The following AGBL4 variants were observed in gnomAD, a reference collection of about 807,000 sequenced individuals.
AGBL4 encodes the protein cytosolic carboxypeptidase 6.
In AGBL4, 58 loss-of-function variants were observed where a neutral mutation model predicts 66.4. The ratio of observed to expected loss-of-function variants is 0.87; its 90% CI spans 0.71 to 1.09. The LOEUF (loss-of-function observed/expected upper bound fraction) is 1.09, where lower values mean the gene tolerates loss of function less well. Among genes scored for constraint, AGBL4 ranks in the 50% least tolerant of loss-of-function variants. The probability of loss-of-function intolerance (pLI) is 0.00; values close to 1 mark genes in which losing one functional copy is unlikely to be tolerated. For synonymous variants in AGBL4, 234 were observed against 222.9 expected, an observed-to-expected ratio of 1.05 and a Z score of -0.44; for missense variants, 579 against 631.0, an observed-to-expected ratio of 0.92 and a Z score of 0.88.
At chr1:49,558,296 A>C (rs1384439212) in intron 3 of AGBL4, among the ~76,000 whole-genome samples, 1 of 152,114 alleles carries the variant, frequency 6.6e-6, no homozygotes, top group African/African-American at 2.4e-5. Flanking sequence ...GAATGGCCAC[A>C]GTGTGTCAGA....
intron 1 of AGBL4, among the ~76,000 whole-genome samples, chr1:49,990,535 T>C (rs1659861084): frequency 6.6e-6 from 1 of 152,212 alleles, no homozygotes. Flanking sequence ...TCAAGCCTCT[T>C]TCCTTTGTAA....
intron 5 of AGBL4, among the ~76,000 whole-genome samples, chr1:48,948,677 G>A (rs1262619125): frequency 6.6e-6 from 1 of 152,142 alleles, no homozygotes; most frequent in Non-Finnish European, 1.5e-5. Context: ...GCAAAGGTGA[G>A]GCAATGATGC....
At chr1:48,640,044 T>C (rs1340510332) in intron 8 of AGBL4, among the ~76,000 whole-genome samples, 1 of 152,140 alleles carries the variant, frequency 6.6e-6, no homozygotes, top group Non-Finnish European at 1.5e-5. Flanking sequence ...TGAGTCTCTG[T>C]CTCCTTGGTG....
intron 2 of AGBL4, chr1:49,842,452 T>C: frequency 1.1e-6 from 1 of 903,954 alleles, no homozygotes; most frequent in South Asian, 3.5e-5. Flanking sequence ...TTTCTCTGTC[T>C]GCATGTGCTC....
At chr1:48,622,240 TA>T (rs919959161) in intron 9 of AGBL4, among the ~76,000 whole-genome samples, 7 of 152,130 alleles carry the variant, frequency 4.6e-5, no homozygotes, top group African/African-American at 9.7e-5. Flanking sequence ...AGTCTTTGTC[TA>T]AAAAAATCCT....
chr1:49,338,992 C>T (rs1186048722), intron 3 of AGBL4, among the ~76,000 whole-genome samples: 1 of 152,048 alleles, frequency 6.6e-6, no homozygotes, highest in African/African-American at 2.4e-5. Context: ...AAAGTATAAC[C>T]ATCAAAACCC....
At chr1:49,243,510 G>A (rs533580319) in intron 4 of AGBL4, among the ~76,000 whole-genome samples, 2 of 151,748 alleles carry the variant, frequency 1.3e-5, no homozygotes, top group Non-Finnish European at 3.0e-5. Flanking sequence ...GAGCACCAAG[G>A]TGGAAGAAAA....
chr1:48,977,964 A>G (rs1006986360), intron 5 of AGBL4, among the ~76,000 whole-genome samples: 13 of 152,202 alleles, frequency 8.5e-5, no homozygotes, highest in African/African-American at 2.9e-4. Context: ...CCTTTAGATT[A>G]CATATTATTA....
At chr1:49,343,062 CT>C (rs375291285) in intron 3 of AGBL4, among the ~76,000 whole-genome samples, 12 of 149,142 alleles carry the variant, frequency 8.0e-5, no homozygotes, top group South Asian at 6.4e-4. Context: ...GACCTTTATG[CT>C]TTTTTTTTTC....
chr1:49,142,177 C>T (rs1646130572), intron 4 of AGBL4, among the ~76,000 whole-genome samples: 1 of 152,066 alleles, frequency 6.6e-6, no homozygotes, highest in Non-Finnish European at 1.5e-5. Context: ...ACAGTTTAAT[C>T]CTAAAACCAT....
intron 2 of AGBL4, among the ~76,000 whole-genome samples, chr1:49,756,023 G>T (rs1159384289): frequency 6.6e-6 from 1 of 152,028 alleles, no homozygotes; most frequent in Non-Finnish European, 1.5e-5. Context: ...ATTTACTTAC[G>T]TCCAAACATT....
intron 11 of AGBL4, among the ~76,000 whole-genome samples, chr1:48,573,337 T>A (rs1644598942): frequency 6.6e-6 from 1 of 152,210 alleles, no homozygotes. Flanking sequence ...TACATTCACA[T>A]TAAAAAATTA....
chr1:49,298,189 C>A (rs968473756), intron 3 of AGBL4, among the ~76,000 whole-genome samples: 1 of 152,184 alleles, frequency 6.6e-6, no homozygotes, highest in Non-Finnish European at 1.5e-5. Context: ...TTGCTCATAC[C>A]AAACAAGTGG....
chr1:49,455,734 C>G (rs921591619), intron 3 of AGBL4, among the ~76,000 whole-genome samples: 1 of 151,576 alleles, frequency 6.6e-6, no homozygotes, highest in African/African-American at 2.4e-5. Flanking sequence ...TATTATCTAG[C>G]CATCTCTTAT....
intron 5 of AGBL4, among the ~76,000 whole-genome samples, chr1:48,881,039 C>T (rs573377004): frequency 6.6e-6 from 1 of 152,234 alleles, no homozygotes; most frequent in Admixed American, 6.5e-5. Flanking sequence ...TCACATAAAA[C>T]ATCTTCCTGA....
intron 1 of AGBL4, among the ~76,000 whole-genome samples, chr1:49,940,861 A>C (rs1310532235): frequency 1.3e-5 from 2 of 152,144 alleles, no homozygotes; most frequent in Non-Finnish European, 2.9e-5. Flanking sequence ...TAATAATAAA[A>C]AAAATAGAAA....
intron 3 of AGBL4, among the ~76,000 whole-genome samples, chr1:49,556,605 T>C (rs1265348026): frequency 6.6e-6 from 1 of 151,924 alleles, no homozygotes; most frequent in Admixed American, 6.6e-5. Flanking sequence ...ACATAAAAGT[T>C]CTCTAAGTCA....
In AGBL4 at chr1:49,149,132, T is replaced by C. The variant is rs111263334; in HGVS notation, c.377+96638A>G. Among the ~76,000 whole-genome samples the C allele has an allele frequency of 3.9e-3, 587 of 152,330 alleles. 3 individuals carry two copies. Among genetic ancestry groups the C allele is most frequent in the Non-Finnish European group, 6.3e-3 (431 of 68,028 alleles). ...AGGTTTACAGCAACTGAAGATAGCATGGGTGGCAGCAGGCATCCTTAACCC... is the reference window on the plus strand; with the variant it reads ...AGGTTTACAGCAACTGAAGATAGCACGGGTGGCAGCAGGCATCCTTAACCC... On this transcript the variant is annotated intron_variant, in intron 4 of 13. Coordinates refer to ENST00000371839, the MANE Select transcript of AGBL4 (RefSeq NM_032785.4).
Position 49,656,657 on chromosome 1 carries a change from C to A in AGBL4, c.282+40656G>T, listed in dbSNP as rs568839080. Among the ~76,000 whole-genome samples the A allele has an allele frequency of 4.1e-4, 62 of 152,268 alleles. 1 individual carries two copies. In the South Asian group the frequency reaches 7.7e-3, roughly 19 times the overall value. ...GCAGCACATCAAAAAGCTTATCCAC[C>A]ATGATCAAGTGGGCTTCATCCCTGG... On this transcript the variant is annotated intron_variant, in intron 3 of 13. Coordinates refer to ENST00000371839, the MANE Select transcript of AGBL4 (RefSeq NM_032785.4).
Sources: gnomAD v4.1 joint callset for allele counts (sites outside exome capture counted in the v4.1 genomes callset) on GRCh38, gnomAD v4.1.1 for gene constraint, MANE v1.5 for transcripts, NCBI Gene and HGNC (gene_info 2026-07-23, HGNC 2026-07-21) for gene names.